Variants in LRRC7 observed in about 807,000 individuals in gnomAD.
The protein encoded by LRRC7 is leucine rich repeat containing 7, also known as leucine-rich repeat-containing protein 7.
LRRC7 carries 23 observed loss-of-function variants against 175.7 expected under a neutral mutation model. That is an observed-to-expected ratio of 0.13 (90% CI 0.09 to 0.19). The LOEUF is 0.19. Among genes scored for constraint, LRRC7 ranks in the 10% least tolerant of loss-of-function variants. The pLI, the probability that LRRC7 is intolerant of heterozygous loss-of-function variation, is 1.00. For synonymous variants in LRRC7, 685 were observed against 680.9 expected, an observed-to-expected ratio of 1.01 and a Z score of -0.09; for missense variants, 1,354 against 1,904.7, an observed-to-expected ratio of 0.71 and a Z score of 5.38.
At position 70,137,960 on chromosome 1, in the gene LRRC7, G is replaced by C. The variant is rs1263130626; in HGVS notation, c.*16073G>C. ...CCCAGAGTTTTTGCTTGCTCTTTGAGGTTAAAATCAAAGATTTTTCACTCA... is the reference window on the plus strand; with the variant it reads ...CCCAGAGTTTTTGCTTGCTCTTTGACGTTAAAATCAAAGATTTTTCACTCA... On this transcript the variant is annotated 3_prime_UTR_variant, in exon 27 of 27. Transcript: ENST00000651989. 6.6e-6 allele frequency: 1 copy of C among 152,262 alleles called. No homozygotes were observed. Among genetic ancestry groups the C allele is most frequent in the East Asian group, 1.9e-4 (1 of 5,188 alleles). 9.4% of individuals were successfully genotyped at this position (152,262 alleles called of 1,614,324 possible).
chr1:69,736,510 A>G (rs982592180), intron 2 of LRRC7, among the ~76,000 whole-genome samples: 17 of 152,178 alleles, frequency 1.1e-4, no homozygotes, highest in Non-Finnish European at 2.4e-4. Context: ...AAAATAATTT[A>G]TCAGTGTTTG....
chr1:69,731,430 T>G (rs1667570064), intron 2 of LRRC7, among the ~76,000 whole-genome samples: 1 of 152,114 alleles, frequency 6.6e-6, no homozygotes, highest in Non-Finnish European at 1.5e-5. Flanking sequence ...GGAACTACAA[T>G]TCAAGATAAG....
intron 7 of LRRC7, among the ~76,000 whole-genome samples, chr1:69,928,742 T>C (rs2421315): frequency 0.56 from 84,488 of 152,064 alleles, 23,542 homozygotes; most frequent in East Asian, 0.7. Context: ...AGGGAACTCC[T>C]TGACCCCTTG....
chr1:70,028,345 G>C lies in LRRC7; in HGVS notation c.1969G>C (p.Val657Leu). The change falls in exon 18 of 27, where the codon GTA becomes CTA. Residue 657 changes from valine (V) to leucine (L), a missense_variant. Physicochemically the swap from Val to Leu is conservative, Grantham distance 32 (BLOSUM62 1). Transcript: ENST00000651989. ...VKEKYEHKWP[V>L]APKEITVEDS... ...AGAAAAATATGAACACAAGTGGCCG[G>C]TAGCCCCAAAGGAGATTACAGTGGA... 1 of 1,613,492 alleles carries C rather than the reference G, an allele frequency of 6.2e-7. No individual in the cohort carries two copies. The highest frequency in any genetic ancestry group is 1.1e-5 in the South Asian group (1 of 91,060).
intron 1 of LRRC7, among the ~76,000 whole-genome samples, chr1:69,579,946 T>C (rs914297972): frequency 6.6e-6 from 1 of 151,946 alleles, no homozygotes; most frequent in African/African-American, 2.4e-5. Context: ...AATAGAAGTG[T>C]TTATGACCCA....
At position 70,136,335 on chromosome 1, in the gene LRRC7, A is replaced by G. The variant is rs1327037382; in HGVS notation, c.*14448A>G. The stretch of plus-strand genomic sequence containing the variant: ...TCCAGACCTGTAGGTTTGAATCGAG[A>G]GATGTTTAAGTAATTCTCTTGTAAG... On this transcript the variant is annotated 3_prime_UTR_variant, in exon 27 of 27. Transcript: ENST00000651989. Among the ~76,000 whole-genome samples the G allele has an allele frequency of 6.6e-6, 1 of 151,996 alleles. No individual in the cohort carries two copies. The highest frequency in any genetic ancestry group is 1.5e-5 in the Non-Finnish European group (1 of 68,012).
chr1:70,037,751 A>G (rs973070395), intron 20 of LRRC7, among the ~76,000 whole-genome samples: 9 of 152,214 alleles, frequency 5.9e-5, no homozygotes, highest in African/African-American at 1.9e-4. Context: ...GATTCCTTCA[A>G]CAAATGTGTA....
intron 1 of LRRC7, among the ~76,000 whole-genome samples, chr1:69,570,972 C>T (rs1251324451): frequency 2.0e-5 from 3 of 152,062 alleles, no homozygotes; most frequent in Admixed American, 2.0e-4. Flanking sequence ...TTGGAGATTT[C>T]TTATTTCATT....
At chr1:69,732,727 T>A (rs1376430184) in intron 2 of LRRC7, among the ~76,000 whole-genome samples, 1 of 152,110 alleles carries the variant, frequency 6.6e-6, no homozygotes, top group Non-Finnish European at 1.5e-5. Flanking sequence ...AGTTCATCTG[T>A]CTCCTTTTTA....
intron 18 of LRRC7, among the ~76,000 whole-genome samples, chr1:70,031,908 C>A (rs934323098): frequency 6.6e-6 from 1 of 152,046 alleles, no homozygotes; most frequent in African/African-American, 2.4e-5. Flanking sequence ...AAGCGATTCT[C>A]CTGCCTCAGC....
chr1:69,699,538 A>T (rs902833916), intron 2 of LRRC7, among the ~76,000 whole-genome samples: 1 of 150,624 alleles, frequency 6.6e-6, no homozygotes, highest in African/African-American at 2.4e-5. Context: ...ACTCCATCTA[A>T]AAAAAAAGAG....
Position 70,141,224 on chromosome 1 carries a change from G to A in LRRC7, c.*19337G>A, listed in dbSNP as rs1328071960. The stretch of plus-strand genomic sequence containing the variant: ...TTGGGACAATTCAGGGTTCAGGTAC[G>A]AAAAGGGTATGAAGCCTACTGAAAA... On this transcript the variant is annotated 3_prime_UTR_variant, in exon 27 of 27. Transcript: ENST00000651989. 2.6e-5 allele frequency among the ~76,000 whole-genome samples: 4 copies of A among 152,092 alleles called. No homozygotes were observed. Among genetic ancestry groups the A allele is most frequent in the South Asian group, 2.1e-4 (1 of 4,816 alleles).
chr1:70,023,782 T>C (rs1170970735), intron 17 of LRRC7, among the ~76,000 whole-genome samples: 1 of 152,166 alleles, frequency 6.6e-6, no homozygotes, highest in Non-Finnish European at 1.5e-5. Flanking sequence ...TAGCTAAAAC[T>C]TAATTCTTAA....
rs559066272 is a variant in LRRC7 at position 70,044,541 on chromosome 1, A to C, written c.4110+447A>C. Among the ~76,000 whole-genome samples, 208 of 152,224 alleles carry C rather than the reference A, an allele frequency of 1.4e-3. 1 individual carries two copies. Among genetic ancestry groups the C allele is most frequent in the African/African-American group, 5.0e-3 (208 of 41,528 alleles). ...CTTTTGGAAAAGACATAGATTCCTA[A>C]ATTAGGAGAATTAAGTAGCTGGTAC... On this transcript the variant is annotated intron_variant, in intron 22 of 26. Transcript: ENST00000651989.
chr1:69,686,628 G>A (rs1245088815), intron 2 of LRRC7, among the ~76,000 whole-genome samples: 1 of 151,866 alleles, frequency 6.6e-6, no homozygotes, highest in Non-Finnish European at 1.5e-5. Flanking sequence ...TAAATCAAAG[G>A]TGAACTAAAT....
At chr1:69,780,518 AG>A (rs1673363232) in intron 3 of LRRC7, among the ~76,000 whole-genome samples, 1 of 152,116 alleles carries the variant, frequency 6.6e-6, no homozygotes, top group Middle Eastern at 3.2e-3. Context: ...GGAGAGATAA[AG>A]GGAGGGAGAA....
intron 8 of LRRC7, among the ~76,000 whole-genome samples, chr1:69,934,512 T>TGGGGGGGGGGGGGGGGGGGGGG (rs1647774815): frequency 2.3e-5 from 1 of 43,628 alleles, no homozygotes; most frequent in Admixed American, 3.0e-4. Flanking sequence ...GGGCGGGGGG[T>TGGGGGGGGGGGGGGGGGGGGGG]GGGGGGTTTT....
At chr1:69,716,960 A>C (rs911993422) in intron 2 of LRRC7, among the ~76,000 whole-genome samples, 12 of 151,814 alleles carry the variant, frequency 7.9e-5, no homozygotes. Flanking sequence ...AAAATACTAA[A>C]GCTAAAAGGA....
At chr1:69,761,310 AAAAG>A (rs1671011558) in intron 3 of LRRC7, among the ~76,000 whole-genome samples, 1 of 152,060 alleles carries the variant, frequency 6.6e-6, no homozygotes, top group Non-Finnish European at 1.5e-5. Flanking sequence ...AGTAATCAGA[AAAAG>A]AATCTTCCAC....
Sources: allele counts gnomAD v4.1 joint callset (sites outside exome capture counted in the v4.1 genomes callset), GRCh38; gene constraint gnomAD v4.1.1; transcripts MANE v1.5; gene names NCBI Gene and HGNC (gene_info 2026-07-23, HGNC 2026-07-21).